Variants in CRAMP1 observed in about 807,000 individuals in gnomAD.
CRAMP1 encodes the protein protein cramped-like.
Under a neutral mutation model 115.4 loss-of-function variants are expected in CRAMP1, and 50 were observed. The observed-to-expected ratio is 0.43, with a 90% CI of 0.35 to 0.55. The LOEUF (loss-of-function observed/expected upper bound fraction) is 0.55, where lower values mean the gene tolerates loss of function less well. Among genes scored for constraint, CRAMP1 ranks in the 20% least tolerant of loss-of-function variants. The pLI, the probability that CRAMP1 is intolerant of heterozygous loss-of-function variation, is 0.01. For missense variants in CRAMP1, 1,679 were observed against 1,721.7 expected (o/e 0.98, Z 0.44); for synonymous variants, 866 against 745.4 (o/e 1.16, Z -2.64).
intron 2 of CRAMP1, among the ~76,000 whole-genome samples, chr16:1,622,927 A>G (rs1456567952): frequency 1.3e-5 from 2 of 151,808 alleles, no homozygotes; most frequent in African/African-American, 2.4e-5. Context: ...ACATGGGGCT[A>G]ATTTTGTATA....
chr16:1,654,778 C>T (rs555888828), intron 8 of CRAMP1, among the ~76,000 whole-genome samples: 1 of 152,376 alleles, frequency 6.6e-6, no homozygotes, highest in African/African-American at 2.4e-5. Flanking sequence ...TGGCATCTTT[C>T]ACTGGGCGTG....
intron 18 of CRAMP1, 94 bp from the exon 19 acceptor site, chr16:1,668,907 G>A (rs910631282): frequency 2.0e-5 from 24 of 1,189,962 alleles, no homozygotes; most frequent in Non-Finnish European, 2.9e-5. Context: ...AGAGCCCTGC[G>A]GCCCTGCTGC....
intron 5 of CRAMP1, among the ~76,000 whole-genome samples, chr16:1,639,756 G>C (rs1233923789): frequency 6.6e-6 from 1 of 152,186 alleles, no homozygotes; most frequent in Admixed American, 6.5e-5. Flanking sequence ...CATGAAGAAA[G>C]AAGGGGAGGG....
intron 14 of CRAMP1, among the ~76,000 whole-genome samples, chr16:1,665,547 C>T (rs1596497981): frequency 6.6e-6 from 1 of 152,318 alleles, no homozygotes; most frequent in East Asian, 1.9e-4. Context: ...AGATATTACA[C>T]AGGGAGAAGC....
intron 14 of CRAMP1, 180 bp from the exon 15 acceptor site, chr16:1,665,893 T>TG: frequency 1.7e-6 from 1 of 593,438 alleles, no homozygotes; most frequent in Non-Finnish European, 3.0e-6. Context: ...TGTGTCACGT[T>TG]GGGGGCCTGT....
intron 10 of CRAMP1, among the ~76,000 whole-genome samples, chr16:1,658,996 C>T (rs1020757364): frequency 1.3e-5 from 2 of 152,052 alleles, no homozygotes; most frequent in Admixed American, 6.5e-5. Flanking sequence ...CCCCAGGACT[C>T]GGCAGCAGGC....
intron 3 of CRAMP1, among the ~76,000 whole-genome samples, chr16:1,628,109 G>A (rs1032410906): frequency 6.6e-6 from 1 of 152,062 alleles, no homozygotes; most frequent in African/African-American, 2.4e-5. Context: ...TTTTTCTATC[G>A]GGTAGATGCT....
rs1448348119 is a variant in CRAMP1 at position 1,614,470 on chromosome 16, G to A, written c.-1-169G>A. Among the ~76,000 whole-genome samples, 1 of 145,794 alleles carries A rather than the reference G, an allele frequency of 6.9e-6. No individual in the cohort carries two copies. Among genetic ancestry groups the A allele is most frequent in the Non-Finnish European group, 1.5e-5 (1 of 65,608 alleles). ...TGGGCAGGGCCGGGGGCGGCGGCGT[G>A]GGGGCGGCAGGGGCCGCGGCGGGCT... On this transcript the variant is annotated intron_variant, in intron 1 of 20. Transcript: ENST00000397412. The surrounding 1 kb of genome is among the most constrained non-coding windows in gnomAD (Gnocchi z 4.4).
intron 2 of CRAMP1, among the ~76,000 whole-genome samples, chr16:1,619,767 C>G (rs1045895278): frequency 6.6e-6 from 1 of 152,110 alleles, no homozygotes; most frequent in Non-Finnish European, 1.5e-5. Context: ...GGGTGGGAGT[C>G]CCGGCAGAGA....
At chr16:1,673,165 G>A (rs984543325) in intron 20 of CRAMP1, among the ~76,000 whole-genome samples, 5 of 148,368 alleles carry the variant, frequency 3.4e-5, no homozygotes, top group African/African-American at 1.0e-4. Flanking sequence ...TGTCTATGAC[G>A]GGAACGTGTC....
chr16:1,654,619 G>A (rs879348239), intron 8 of CRAMP1, among the ~76,000 whole-genome samples: 1 of 152,268 alleles, frequency 6.6e-6, no homozygotes, highest in East Asian at 1.9e-4. Flanking sequence ...CGCTAGAAGA[G>A]GCCCTGTGCA....
chr16:1,649,785 A>ATTTTT (rs35942594), intron 6 of CRAMP1, among the ~76,000 whole-genome samples: 39 of 65,754 alleles, frequency 5.9e-4, no homozygotes, highest in East Asian at 9.3e-4. Flanking sequence ...ATGAGCCACT[A>ATTTTT]TTTTTTTTTT....
At chr16:1,665,922 T>A in intron 14 of CRAMP1, 151 bp from the exon 15 acceptor site, 1 of 616,018 alleles carries the variant, frequency 1.6e-6, no homozygotes, top group Non-Finnish European at 2.9e-6. Context: ...TGACTCCTCA[T>A]GTTAGCATTT....
rs1332741036 is a variant in CRAMP1 at position 1,677,180 on chromosome 16, C to G, written c.*3135C>G. ...GAAGGAGGCCGGGCGCAGTGGCTCA[C>G]GCCTGTAATCCCAGCACTTTGGGAG... On this transcript the variant is annotated 3_prime_UTR_variant, in exon 21 of 21. Transcript: ENST00000397412. The G allele has an allele frequency of 6.6e-6, 1 of 152,562 alleles. No individual in the cohort carries two copies. Among genetic ancestry groups the G allele is most frequent in the African/African-American group, 2.4e-5 (1 of 41,430 alleles). The allele number at this position is 152,562 out of a possible 1,614,324, so 9.5% of individuals were successfully genotyped here.
At chr16:1,657,221 G>A (rs901876945) in intron 10 of CRAMP1, among the ~76,000 whole-genome samples, 3 of 152,346 alleles carry the variant, frequency 2.0e-5, no homozygotes, top group East Asian at 1.9e-4. Flanking sequence ...CCTCTCCCTC[G>A]AGGAGGGATC....
Position 1,614,692 on chromosome 16 carries a change from T to C in CRAMP1, c.53T>C (p.Leu18Pro). 7.6e-7 allele frequency: 1 copy of C among 1,324,438 alleles called. No homozygotes were observed. The highest frequency in any genetic ancestry group is 9.7e-7 in the Non-Finnish European group (1 of 1,030,340). 82.0% of individuals were successfully genotyped at this position (1,324,438 alleles called of 1,614,324 possible). The part of the protein sequence containing the change: ...GGSGEDGLKK[L>P]GKRAADEESL... ...AGCGGGGAGGACGGGCTCAAGAAGCTGGGCAAGCGGGCGGCCGATGAGGAG... is the reference window on the plus strand; with the variant it reads ...AGCGGGGAGGACGGGCTCAAGAAGCCGGGCAAGCGGGCGGCCGATGAGGAG... The change falls in exon 2 of 21, where the codon CTG (leucine) becomes CCG (proline). Residue 18 changes from leucine (L) to proline (P), a missense_variant. Around this residue, in one of 8 missense-constraint regions of CRAMP1, gnomAD observed 264 missense variants for 229.7 expected, o/e 1.15. Coordinates refer to ENST00000397412, the MANE Select transcript of CRAMP1 (RefSeq NM_020825.4). The surrounding 1 kb of genome is among the most constrained non-coding windows in gnomAD (Gnocchi z 4.4).
At position 1,655,977 on chromosome 16, in the gene CRAMP1, C is replaced by T. The variant is rs1332959238; in HGVS notation, c.1220C>T (p.Thr407Ile). 3.7e-6 allele frequency: 6 copies of T among 1,612,954 alleles called. No homozygotes were observed. The highest frequency in any genetic ancestry group is 5.1e-6 in the Non-Finnish European group (6 of 1,179,898). Residue 407 changes from threonine to isoleucine, a missense_variant, in exon 10 of 21, where the codon ACA becomes ATA. By Grantham distance (89) the Thr-to-Ile change is moderately conservative. Transcript: ENST00000397412. Reference sequence around the variant, plus strand: ...TTCCCAGGCGAGAACTGTACACTGACACCGCTGCCGGGCGTGGCTCGCGTG... The same window carrying T: ...TTCCCAGGCGAGAACTGTACACTGATACCGCTGCCGGGCGTGGCTCGCGTG... ...HLFPGENCTL[T>I]PLPGVARVVH...
chr16:1,652,665 C>T, intron 7 of CRAMP1, 84 bp downstream of exon 7: 1 of 1,251,052 alleles, frequency 8.0e-7, no homozygotes, highest in South Asian at 1.3e-5. Context: ...TACCGGGTTG[C>T]TGCCACAGTT....
In CRAMP1 at chr16:1,655,292, G is replaced by T; in HGVS notation, c.1111G>T (p.Val371Leu). ...FLKQKWALHE[V>L]RVRKTLEERQ... ...GAAGCAGAAGTGGGCGCTCCATGAG[G>T]TGCGAGTTGTATCCTTTTCCAGCTA... Residue 371 changes from valine to leucine, a missense_variant, in exon 9 of 21, where the codon GTG becomes TTG. Physicochemically the swap from Val to Leu is conservative, Grantham distance 32. This residue lies in a region of CRAMP1 where 191 missense variants were observed against 236.2 expected (regional missense o/e 0.81). Coordinates refer to ENST00000397412, the MANE Select transcript of CRAMP1 (RefSeq NM_020825.4). 1 of 1,613,848 alleles carries T rather than the reference G, an allele frequency of 6.2e-7. No individual in the cohort carries two copies. Among genetic ancestry groups the T allele is most frequent in the Non-Finnish European group, 8.5e-7 (1 of 1,179,714 alleles).
Sources: gnomAD v4.1 joint callset for allele counts (sites outside exome capture counted in the v4.1 genomes callset) on GRCh38, gnomAD v4.1.1 for gene constraint, gnomAD v4.1.1 regional missense constraint, Gnocchi (gnomAD v3.1) non-coding constraint, MANE v1.5 for transcripts, NCBI Gene and HGNC (gene_info 2026-07-23, HGNC 2026-07-21) for gene names.